Variants in UMAD1 observed in about 807,000 individuals in gnomAD.
UMAD1 encodes the protein UBAP1-MVB12-associated (UMA)-domain containing protein 1.
Under a neutral mutation model 6.1 loss-of-function variants are expected in UMAD1, and 8 were observed. The observed-to-expected ratio is 1.30, with a 90% confidence interval of 0.76 to 2.35. The LOEUF is 2.35. Ranked by LOEUF, UMAD1 falls within the 30% of genes most tolerant of loss-of-function variation. The pLI is 0.00. For synonymous variants in UMAD1, 56 were observed against 31.4 expected (o/e 1.78, Z -2.61); for missense variants, 130 against 78.4 (o/e 1.66, Z -2.49).
intron 3 of UMAD1, among the ~76,000 whole-genome samples, chr7:7,867,188 T>A (rs1409729450): frequency 4.6e-5 from 7 of 152,008 alleles, no homozygotes; most frequent in African/African-American, 1.5e-4. Flanking sequence ...ACATGTTGAG[T>A]GTAAGATGTC....
intron 2 of UMAD1, among the ~76,000 whole-genome samples, chr7:7,801,262 C>A (rs558966345): frequency 2.0e-5 from 3 of 152,212 alleles, no homozygotes; most frequent in Non-Finnish European, 4.4e-5. Context: ...AATCCACAAA[C>A]GCTTACAAAG....
At chr7:7,806,197 A>T (rs1413780816) in intron 3 of UMAD1, among the ~76,000 whole-genome samples, 16 of 151,722 alleles carry the variant, frequency 1.1e-4, no homozygotes, top group Admixed American at 7.9e-4. Flanking sequence ...CTATTATTAG[A>T]TGAGCAGTTT....
chr7:7,789,635 C>G (rs1413503669), intron 2 of UMAD1, among the ~76,000 whole-genome samples: 1 of 150,130 alleles, frequency 6.7e-6, no homozygotes, highest in Non-Finnish European at 1.5e-5. Context: ...CCCCACAGAC[C>G]CTGGAAACCA....
At chr7:7,857,097 TTAAA>T (rs1172913843) in intron 3 of UMAD1, among the ~76,000 whole-genome samples, 2 of 152,204 alleles carry the variant, frequency 1.3e-5, no homozygotes, top group Non-Finnish European at 2.9e-5. Flanking sequence ...TTCAAAGCAA[TTAAA>T]TAAATAGGAA....
At chr7:7,682,186 A>G (rs28915981) in intron 2 of UMAD1, among the ~76,000 whole-genome samples, 5,453 of 152,266 alleles carry the variant, frequency 0.036, 121 homozygotes, top group Non-Finnish European at 0.048. Flanking sequence ...TCTAGTTTCC[A>G]TTAAGCTAAT....
chr7:7,847,094 AAAAAAAAAAAATATATATATATATAT>A (rs1271398727), intron 3 of UMAD1, among the ~76,000 whole-genome samples: 1 of 42,718 alleles, frequency 2.3e-5, no homozygotes, highest in African/African-American at 1.7e-4. Context: ...ATGCAAAAAA[AAAAAAAAAAAATATATATATATATAT>A]ATATATATAT....
intron 1 of UMAD1, among the ~76,000 whole-genome samples, chr7:7,666,475 T>C (rs1779459588): frequency 6.6e-6 from 1 of 152,064 alleles, no homozygotes; most frequent in Non-Finnish European, 1.5e-5. Flanking sequence ...CCCAAAGTAC[T>C]GGAATTACAG....
chr7:7,790,423 G>C (rs1391894397), intron 2 of UMAD1, among the ~76,000 whole-genome samples: 3 of 152,202 alleles, frequency 2.0e-5, no homozygotes. Context: ...TCTGCGTATT[G>C]TAGCCCAACT....
chr7:7,749,041 AT>A (rs1781629291), intron 2 of UMAD1, among the ~76,000 whole-genome samples: 1 of 151,960 alleles, frequency 6.6e-6, no homozygotes, highest in African/African-American at 2.4e-5. Flanking sequence ...TGATTTCTGT[AT>A]TTGCTTAAAA....
intron 2 of UMAD1, among the ~76,000 whole-genome samples, chr7:7,701,087 C>T (rs904380279): frequency 4.6e-5 from 7 of 152,138 alleles, no homozygotes; most frequent in Admixed American, 4.6e-4. Flanking sequence ...ATAATTCACA[C>T]TTGGATCTCT....
At chr7:7,646,896 G>A (rs1157452773) in intron 1 of UMAD1, among the ~76,000 whole-genome samples, 1 of 152,052 alleles carries the variant, frequency 6.6e-6, no homozygotes, top group East Asian at 1.9e-4. Flanking sequence ...TGACATATTG[G>A]GCCAAAAGGC....
chr7:7,790,303 G>T (rs1453230008), intron 2 of UMAD1, among the ~76,000 whole-genome samples: 1 of 152,148 alleles, frequency 6.6e-6, no homozygotes, highest in Non-Finnish European at 1.5e-5. Context: ...GACATCCCAG[G>T]ATTTATCTGT....
intron 3 of UMAD1, among the ~76,000 whole-genome samples, chr7:7,846,371 A>G (rs11769320): frequency 0.28 from 43,188 of 152,132 alleles, 7,223 homozygotes; most frequent in Non-Finnish European, 0.37. Flanking sequence ...GTTTTTGGTC[A>G]AATCTGGTCA....
At chr7:7,646,802 C>T (rs991421921) in intron 1 of UMAD1, among the ~76,000 whole-genome samples, 7 of 152,076 alleles carry the variant, frequency 4.6e-5, no homozygotes, top group Admixed American at 6.5e-5. Context: ...TCTCTTCTCT[C>T]CTCTGCTGCA....
intron 1 of UMAD1, among the ~76,000 whole-genome samples, chr7:7,650,350 C>T (rs4720747): frequency 0.67 from 101,192 of 152,054 alleles, 34,133 homozygotes; most frequent in East Asian, 0.88. Flanking sequence ...TTATTTCATT[C>T]GAGTTCTCAA....
At chr7:7,793,494 C>G (rs1018259165) in intron 2 of UMAD1, among the ~76,000 whole-genome samples, 1 of 152,138 alleles carries the variant, frequency 6.6e-6, no homozygotes, top group Non-Finnish European at 1.5e-5. Flanking sequence ...GCTCATTAAC[C>G]CTAATGAATC....
At chr7:7,851,331 C>T (rs1783912308) in intron 3 of UMAD1, among the ~76,000 whole-genome samples, 1 of 152,096 alleles carries the variant, frequency 6.6e-6, no homozygotes, top group African/African-American at 2.4e-5. Context: ...GAGTTGTTTT[C>T]ACCTTTTGAC....
At chr7:7,836,513 G>C (rs1473036084) in intron 3 of UMAD1, among the ~76,000 whole-genome samples, 1 of 151,832 alleles carries the variant, frequency 6.6e-6, no homozygotes, top group African/African-American at 2.4e-5. Context: ...TGTGTCTCAA[G>C]GCCAAGTGAG....
At chr7:7,761,926 T>C (rs1781898379) in intron 2 of UMAD1, among the ~76,000 whole-genome samples, 1 of 152,208 alleles carries the variant, frequency 6.6e-6, no homozygotes, top group Non-Finnish European at 1.5e-5. Context: ...TCCCTCAGTT[T>C]CCATTCTTGT....
Sources: allele counts gnomAD v4.1 joint callset (sites outside exome capture counted in the v4.1 genomes callset), GRCh38; gene constraint gnomAD v4.1.1; transcripts MANE v1.5; gene names NCBI Gene and HGNC (gene_info 2026-07-23, HGNC 2026-07-21).